SND1: variants seen among roughly 807,000 people sequenced by gnomAD.
The protein encoded by SND1 is staphylococcal nuclease domain-containing protein 1.
In SND1, 38 loss-of-function variants were observed where a neutral mutation model predicts 121.7. The observed-to-expected ratio is 0.31, with a 90% CI of 0.24 to 0.41. SND1 has a LOEUF of 0.41. Among genes scored for constraint, SND1 ranks in the 10% least tolerant of loss-of-function variants. The pLI, the probability that SND1 is intolerant of heterozygous loss-of-function variation, is 1.00. For synonymous variants in SND1, 401 were observed against 447.4 expected (o/e 0.90, Z 1.31); for missense variants, 868 against 1,184.6 (o/e 0.73, Z 3.92).
intron 1 of SND1, among the ~76,000 whole-genome samples, chr7:127,676,499 C>T (rs67632185): frequency 0.21 from 32,174 of 152,110 alleles, 4,003 homozygotes; most frequent in Middle Eastern, 0.32. Context: ...TTCCGTTAGC[C>T]ACACCATCTG....
At chr7:127,698,832 C>T (rs1379610366) in intron 3 of SND1, 43 bp from the exon 4 acceptor site, 5 of 1,538,364 alleles carry the variant, frequency 3.3e-6, no homozygotes, top group Non-Finnish European at 4.5e-6. Context: ...CTGTTGGAGG[C>T]AGGTTTGAAT....
At chr7:127,688,185 T>C (rs1453348888) in intron 2 of SND1, among the ~76,000 whole-genome samples, 1 of 152,148 alleles carries the variant, frequency 6.6e-6, no homozygotes, top group Non-Finnish European at 1.5e-5. Context: ...TAATGGTGAT[T>C]TGAGAACCTT....
At chr7:127,731,703 A>G (rs958275061) in intron 10 of SND1, among the ~76,000 whole-genome samples, 10 of 152,226 alleles carry the variant, frequency 6.6e-5, no homozygotes. Context: ...TCAGGAGAAC[A>G]GAAGCTCCTC....
At chr7:127,731,448 G>C (rs566476360) in intron 10 of SND1, among the ~76,000 whole-genome samples, 168 of 152,268 alleles carry the variant, frequency 1.1e-3, no homozygotes, top group African/African-American at 3.7e-3. Flanking sequence ...CCGGCTCAAC[G>C]TTTTCCTCAG....
At chr7:127,757,694 T>G (rs1368368008) in intron 10 of SND1, among the ~76,000 whole-genome samples, 1 of 152,216 alleles carries the variant, frequency 6.6e-6, no homozygotes, top group Non-Finnish European at 1.5e-5. Context: ...CTTGTTCAGG[T>G]CTTATAAAGA....
At chr7:127,941,596 T>G (rs1801202277) in intron 15 of SND1, among the ~76,000 whole-genome samples, 1 of 152,210 alleles carries the variant, frequency 6.6e-6, no homozygotes, top group Admixed American at 6.5e-5. Context: ...ATTTTTAAAT[T>G]GGAACATGGT....
chr7:128,055,496 G>A (rs1793127154), intron 16 of SND1, among the ~76,000 whole-genome samples: 1 of 152,202 alleles, frequency 6.6e-6, no homozygotes, highest in Non-Finnish European at 1.5e-5. Context: ...GGTCCAAGAA[G>A]AAGAGGTTGC....
chr7:127,773,511 T>C (rs964855625), intron 10 of SND1, among the ~76,000 whole-genome samples: 1 of 151,980 alleles, frequency 6.6e-6, no homozygotes, highest in Non-Finnish European at 1.5e-5. Flanking sequence ...TGGTTTGGGA[T>C]GTTTGTTGCA....
Position 128,083,315 on chromosome 7 carries a change from A to T in SND1, c.2111-1409A>T, listed in dbSNP as rs911983330. ...AAAAAAAATGAAAGTAGACCAAGTT[A>T]GGGAGGAAGCTGTCTGTCAAGGCTT... On this transcript the variant is annotated intron_variant, in intron 18 of 23. Transcript: ENST00000354725. Among the ~76,000 whole-genome samples, 51 of 152,216 alleles carry T rather than the reference A, an allele frequency of 3.4e-4. 1 individual carries two copies. Among genetic ancestry groups the T allele is most frequent in the Non-Finnish European group, 1.5e-5 (1 of 68,038 alleles).
At chr7:127,928,732 G>T (rs1264733896) in intron 14 of SND1, among the ~76,000 whole-genome samples, 2 of 152,060 alleles carry the variant, frequency 1.3e-5, no homozygotes, top group Non-Finnish European at 1.5e-5. Context: ...GGGATTACAG[G>T]CATGTGCCAC....
At chr7:127,856,757 G>T (rs924617475) in intron 12 of SND1, among the ~76,000 whole-genome samples, 2 of 152,108 alleles carry the variant, frequency 1.3e-5, no homozygotes, top group Non-Finnish European at 2.9e-5. Flanking sequence ...GTAGCAATGG[G>T]AACTATATTA....
At chr7:128,078,440 G>A (rs1793543867) in intron 17 of SND1, among the ~76,000 whole-genome samples, 1 of 152,226 alleles carries the variant, frequency 6.6e-6, no homozygotes, top group Non-Finnish European at 1.5e-5. Flanking sequence ...CTTTGTGTAT[G>A]GAGACACCTT....
At chr7:127,819,127 G>T (rs1798500332) in intron 11 of SND1, among the ~76,000 whole-genome samples, 1 of 152,182 alleles carries the variant, frequency 6.6e-6, no homozygotes, top group South Asian at 2.1e-4. Flanking sequence ...GTCACATTAG[G>T]AGTAAATTTG....
At chr7:127,795,087 T>C (rs1037414166) in intron 10 of SND1, among the ~76,000 whole-genome samples, 4 of 152,214 alleles carry the variant, frequency 2.6e-5, no homozygotes, top group Non-Finnish European at 4.4e-5. Context: ...ATGAAGGAAA[T>C]TTCCCCTTTT....
At chr7:127,720,318 A>C (rs1188766749) in intron 9 of SND1, among the ~76,000 whole-genome samples, 1 of 152,176 alleles carries the variant, frequency 6.6e-6, no homozygotes, top group Non-Finnish European at 1.5e-5. Context: ...GAAGCCTAGA[A>C]GAGTTCGATT....
At chr7:127,895,339 T>C (rs1210805754) in intron 13 of SND1, among the ~76,000 whole-genome samples, 1 of 152,088 alleles carries the variant, frequency 6.6e-6, no homozygotes, top group East Asian at 1.9e-4. Flanking sequence ...TCAAGCATCA[T>C]AGGAAGCGGT....
chr7:128,006,447 C>A (rs1802978901), intron 16 of SND1, among the ~76,000 whole-genome samples: 1 of 152,208 alleles, frequency 6.6e-6, no homozygotes, highest in East Asian at 1.9e-4. Flanking sequence ...CACACACTTA[C>A]ATGCACATTT....
chr7:127,962,648 C>A (rs1352325101), intron 15 of SND1, among the ~76,000 whole-genome samples: 1 of 152,176 alleles, frequency 6.6e-6, no homozygotes, highest in African/African-American at 2.4e-5. Flanking sequence ...TCATAACCAT[C>A]AGGCCCAGTC....
intron 14 of SND1, among the ~76,000 whole-genome samples, chr7:127,923,065 G>A (rs942187395): frequency 6.6e-6 from 1 of 152,078 alleles, no homozygotes; most frequent in African/African-American, 2.4e-5. Context: ...TATAGCTCTC[G>A]GCAGCCTCAA....
Sources: allele counts gnomAD v4.1 joint callset (sites outside exome capture counted in the v4.1 genomes callset), GRCh38; gene constraint gnomAD v4.1.1; transcripts MANE v1.5; gene names NCBI Gene and HGNC (gene_info 2026-07-23, HGNC 2026-07-21).